NAV3: variants seen among roughly 807,000 people sequenced by gnomAD.
NAV3 encodes pore membrane and/or filament interacting like protein 1.
Under a neutral mutation model 244.7 loss-of-function variants are expected in NAV3, and 87 were observed. The ratio of observed to expected loss-of-function variants is 0.36; its 90% confidence interval spans 0.30 to 0.42. NAV3 has a LOEUF of 0.42. Ranked by LOEUF, NAV3 falls within the 20% of genes least tolerant of loss-of-function variation. The pLI is 1.00. For missense variants in NAV3, 2,663 were observed against 2,893.3 expected, an observed-to-expected ratio of 0.92 and a Z score of 1.83; for synonymous variants, 1,126 against 1,042.2, an observed-to-expected ratio of 1.08 and a Z score of -1.55.
In NAV3 at chr12:78,171,574, ATAGT is replaced by A. The variant is rs1223026464; in HGVS notation, c.4981+2712_4981+2715del. On this transcript the variant is annotated intron_variant, in intron 24 of 39. Coordinates refer to ENST00000397909, the MANE Select transcript of NAV3 (RefSeq NM_001024383.2). ...TTATAAAGGTTTGAATATATATAGG[ATAGT>A]TAGATTGTATTTCTGTAATATTAAA... is the stretch of plus-strand genomic sequence containing the variant. Among the ~76,000 whole-genome samples, 3 of 151,706 alleles carry A rather than the reference ATAGT, an allele frequency of 2.0e-5. No individual in the cohort carries two copies. In the Admixed American group the frequency reaches 2.0e-4, roughly 10 times the overall value.
intron 1 of NAV3, among the ~76,000 whole-genome samples, chr12:77,853,170 T>C (rs1877814937): frequency 6.6e-6 from 1 of 152,226 alleles, no homozygotes; most frequent in South Asian, 2.1e-4. Flanking sequence ...CCACAGGTCC[T>C]TAGCATTTTC....
intron 2 of NAV3, among the ~76,000 whole-genome samples, chr12:77,773,623 A>C (rs1452173836): frequency 6.6e-6 from 1 of 152,144 alleles, no homozygotes; most frequent in Non-Finnish European, 1.5e-5. Flanking sequence ...TAATGATAGG[A>C]CCTATGAATA....
intron 28 of NAV3, 40 bp downstream of exon 28, chr12:78,177,725 G>T (rs2139684090): frequency 6.4e-7 from 1 of 1,562,880 alleles, no homozygotes; most frequent in South Asian, 1.1e-5. Context: ...CAAAGATCCA[G>T]GTTCTAACCT....
At chr12:78,166,601 A>G (rs1957791624) in intron 23 of NAV3, among the ~76,000 whole-genome samples, 1 of 151,810 alleles carries the variant, frequency 6.6e-6, no homozygotes, top group South Asian at 2.1e-4. Context: ...TGCCACATTG[A>G]GTAACAACTA....
intron 5 of NAV3, among the ~76,000 whole-genome samples, chr12:77,990,864 C>T (rs1240657595): frequency 6.6e-6 from 1 of 152,120 alleles, no homozygotes; most frequent in East Asian, 1.9e-4. Flanking sequence ...CTATTGAGTG[C>T]TCCACTGTCT....
intron 38 of NAV3, among the ~76,000 whole-genome samples, 178 bp downstream of exon 38, chr12:78,200,769 A>G (rs948956331): frequency 7.9e-5 from 12 of 152,042 alleles, no homozygotes; most frequent in African/African-American, 2.2e-4. Flanking sequence ...CTGTTCTGAG[A>G]ACAAATTTGT....
intron 1 of NAV3, among the ~76,000 whole-genome samples, chr12:77,882,185 G>T (rs1321850930): frequency 1.3e-5 from 2 of 152,100 alleles, no homozygotes; most frequent in Admixed American, 6.6e-5. Flanking sequence ...TACACTCTAT[G>T]GATACAGTAA....
At chr12:77,680,827 G>A (rs12319289) in intron 2 of NAV3, among the ~76,000 whole-genome samples, 7,829 of 152,230 alleles carry the variant, frequency 0.051, 467 homozygotes, top group African/African-American at 0.15. Flanking sequence ...GGAGTCGAAA[G>A]TGGAGTAGAA....
At chr12:77,642,194 G>A (rs765542981) in intron 2 of NAV3, among the ~76,000 whole-genome samples, 14 of 152,048 alleles carry the variant, frequency 9.2e-5, no homozygotes, top group Non-Finnish European at 1.8e-4. Flanking sequence ...TTATTTGATG[G>A]TGTTTCCAGT....
At chr12:77,987,440 T>G (rs902707173) in intron 5 of NAV3, among the ~76,000 whole-genome samples, 3 of 152,222 alleles carry the variant, frequency 2.0e-5, no homozygotes, top group South Asian at 4.1e-4. Context: ...TTGAGTAAGA[T>G]AAATTGCTGC....
At chr12:77,641,318 G>T (rs112065812) in intron 2 of NAV3, among the ~76,000 whole-genome samples, 42 of 152,004 alleles carry the variant, frequency 2.8e-4, no homozygotes, top group African/African-American at 9.2e-4. Context: ...GTGCCCCAAA[G>T]CCGAGTTGGG....
intron 5 of NAV3, among the ~76,000 whole-genome samples, chr12:77,976,674 C>CTTTTT (rs869041498): frequency 8.4e-5 from 7 of 83,422 alleles, no homozygotes; most frequent in East Asian, 4.0e-4. Context: ...TTCTTTTTTT[C>CTTTTT]TTTTTTTTTT....
intron 2 of NAV3, among the ~76,000 whole-genome samples, chr12:77,813,037 G>T (rs2136006289): frequency 6.6e-6 from 1 of 152,060 alleles, no homozygotes; most frequent in South Asian, 2.1e-4. Flanking sequence ...TGGCCAGGCT[G>T]GTTTTGAACT....
At chr12:77,724,363 G>A (rs1876782109) in intron 2 of NAV3, among the ~76,000 whole-genome samples, 1 of 151,806 alleles carries the variant, frequency 6.6e-6, no homozygotes, top group African/African-American at 2.4e-5. Flanking sequence ...TTCAATTCTA[G>A]AAGGAAACTT....
chr12:77,792,682 TGA>T (rs1258694455), intron 2 of NAV3, among the ~76,000 whole-genome samples: 1 of 152,226 alleles, frequency 6.6e-6, no homozygotes, highest in East Asian at 1.9e-4. Context: ...CACAGTAGCC[TGA>T]GACACATTCA....
intron 32 of NAV3, 121 bp downstream of exon 32, chr12:78,188,464 G>A: frequency 8.5e-7 from 1 of 1,173,156 alleles, no homozygotes; most frequent in Admixed American, 2.4e-5. Flanking sequence ...AAAGCTTTCT[G>A]TTTGTGCTAT....
intron 39 of NAV3, among the ~76,000 whole-genome samples, chr12:78,209,649 G>A (rs1227534029): frequency 6.6e-6 from 1 of 151,756 alleles, no homozygotes; most frequent in Non-Finnish European, 1.5e-5. Context: ...AATGCTAGCT[G>A]CCTTTCTCCC....
chr12:77,809,934 C>T (rs928067109), intron 2 of NAV3, among the ~76,000 whole-genome samples: 4 of 152,026 alleles, frequency 2.6e-5, no homozygotes, highest in African/African-American at 4.8e-5. Flanking sequence ...TGTTCCAGTA[C>T]AGAAAAAAAT....
At chr12:78,064,760 A>G (rs1884808867) in intron 12 of NAV3, among the ~76,000 whole-genome samples, 1 of 152,110 alleles carries the variant, frequency 6.6e-6, no homozygotes, top group African/African-American at 2.4e-5. Flanking sequence ...AATCATATAT[A>G]TAATCTAGAT....
Sources: allele counts gnomAD v4.1 joint callset (sites outside exome capture counted in the v4.1 genomes callset), GRCh38; gene constraint gnomAD v4.1.1; transcripts MANE v1.5; gene names NCBI Gene and HGNC (gene_info 2026-07-23, HGNC 2026-07-21).